Variants in ANTXR1 observed in about 807,000 individuals in gnomAD.
The protein encoded by ANTXR1 is anthrax toxin receptor 1.
Under a neutral mutation model 78.1 loss-of-function variants are expected in ANTXR1, and 19 were observed. That is an observed-to-expected ratio of 0.24 (90% confidence interval 0.17 to 0.36). The LOEUF is 0.36. ANTXR1 is among the 10% of genes least tolerant of loss of function. The pLI, the probability that ANTXR1 is intolerant of heterozygous loss-of-function variation, is 1.00. For missense variants in ANTXR1, 518 were observed against 718.6 expected, an observed-to-expected ratio of 0.72 and a Z score of 3.19; for synonymous variants, 273 against 260.5, an observed-to-expected ratio of 1.05 and a Z score of -0.46.
chr2:69,198,713 C>T (rs1674711939), intron 17 of ANTXR1, among the ~76,000 whole-genome samples: 1 of 152,196 alleles, frequency 6.6e-6, no homozygotes, highest in Non-Finnish European at 1.5e-5. Flanking sequence ...TTCAAGAGAA[C>T]ATACATTTTC....
chr2:69,013,454 C>A lies in ANTXR1; in HGVS notation c.-46C>A, dbSNP rs1670926240. 1.1e-5 allele frequency: 18 copies of A among 1,576,612 alleles called. No individual in the cohort carries two copies. Among genetic ancestry groups the A allele is most frequent in the Non-Finnish European group, 1.5e-5 (18 of 1,163,244 alleles). On this transcript the variant is annotated 5_prime_UTR_variant, in exon 1 of 18. Coordinates refer to ENST00000303714, the MANE Select transcript of ANTXR1 (RefSeq NM_032208.3). The surrounding 1 kb of genome is among the most constrained non-coding windows in gnomAD (Gnocchi z 5.0). ...GTCCCTGAGGGTCGTGGCGAGTTCG[C>A]GGAGCGTGGGAAGGAGCGGACCCTG...
chr2:69,089,246 G>C (rs1339295921), intron 8 of ANTXR1, among the ~76,000 whole-genome samples: 2 of 152,226 alleles, frequency 1.3e-5, no homozygotes, highest in Non-Finnish European at 2.9e-5. Flanking sequence ...CAGGTACATA[G>C]AGTTACCTAA....
chr2:69,042,313 C>T (rs1669637305), intron 2 of ANTXR1, among the ~76,000 whole-genome samples: 1 of 152,174 alleles, frequency 6.6e-6, no homozygotes, highest in African/African-American at 2.4e-5. Context: ...AATAACCTCA[C>T]CTCCTACTTC....
At chr2:69,067,158 G>T (rs1670423057) in intron 3 of ANTXR1, among the ~76,000 whole-genome samples, 1 of 152,076 alleles carries the variant, frequency 6.6e-6, no homozygotes, top group Non-Finnish European at 1.5e-5. Context: ...GGGAGATGGG[G>T]CCATGTGTTA....
chr2:69,203,531 A>G (rs1021998960), intron 17 of ANTXR1, among the ~76,000 whole-genome samples: 4 of 152,338 alleles, frequency 2.6e-5, no homozygotes, highest in East Asian at 1.9e-4. Context: ...GCTGCAAAAT[A>G]TACCATCTTG....
At chr2:69,166,162 C>T (rs990550761) in intron 13 of ANTXR1, among the ~76,000 whole-genome samples, 7 of 152,218 alleles carry the variant, frequency 4.6e-5, no homozygotes, top group African/African-American at 1.7e-4. Flanking sequence ...ATTTGTTTGA[C>T]TCAATGAGAA....
intron 17 of ANTXR1, among the ~76,000 whole-genome samples, chr2:69,239,628 A>T (rs57286833): frequency 0.12 from 17,687 of 152,232 alleles, 3,252 homozygotes; most frequent in African/African-American, 0.39. Context: ...GGTACAACTT[A>T]ATTGGACAGA....
chr2:69,209,390 C>A (rs746383901), intron 17 of ANTXR1, among the ~76,000 whole-genome samples: 13 of 152,236 alleles, frequency 8.5e-5, no homozygotes, highest in Non-Finnish European at 1.8e-4. Context: ...ATTATCTTTA[C>A]AGAGGGCTCG....
intron 17 of ANTXR1, 146 bp downstream of exon 17, chr2:69,193,561 T>A (rs1247358271): frequency 1.4e-6 from 1 of 723,672 alleles, no homozygotes; most frequent in African/African-American, 1.8e-5. Context: ...CTAGAATAAC[T>A]CCAGATTTAC....
intron 1 of ANTXR1, among the ~76,000 whole-genome samples, chr2:69,036,675 G>A (rs1026187808): frequency 2.6e-5 from 4 of 151,988 alleles, no homozygotes; most frequent in African/African-American, 9.6e-5. Flanking sequence ...CCAAAACACA[G>A]CATTGCATTT....
intron 12 of ANTXR1, among the ~76,000 whole-genome samples, chr2:69,135,548 G>A (rs969261496): frequency 6.6e-5 from 10 of 152,190 alleles, no homozygotes; most frequent in Admixed American, 5.9e-4. Flanking sequence ...AAAAGCATGT[G>A]AAAAGTTTTA....
chr2:69,066,150 G>GT (rs1409048434), intron 3 of ANTXR1, among the ~76,000 whole-genome samples: 1 of 152,184 alleles, frequency 6.6e-6, no homozygotes, highest in Admixed American at 6.5e-5. Flanking sequence ...GATGGAGGTT[G>GT]TTTTTATAGA....
intron 9 of ANTXR1, among the ~76,000 whole-genome samples, chr2:69,095,736 C>T (rs777986387): frequency 6.6e-6 from 1 of 152,198 alleles, no homozygotes; most frequent in Non-Finnish European, 1.5e-5. Context: ...ATCATGTGAG[C>T]AGTGGCAGAA....
At position 69,077,403 on chromosome 2, in the gene ANTXR1, C is replaced by A. The variant is rs1670766902; in HGVS notation, c.562-5C>A. On this transcript the variant is annotated splice_region_variant and splice_polypyrimidine_tract_variant and intron_variant, in intron 7 of 17. Coordinates refer to ENST00000303714, the MANE Select transcript of ANTXR1 (RefSeq NM_032208.3). ...CATGTGTTTGTGTATTTGCTGTGTT[C>A]TCAGCTGGCCCGGATTGCGGACAGT... is the stretch of plus-strand genomic sequence containing the variant. The A allele has an allele frequency of 1.2e-6, 2 of 1,614,168 alleles. No homozygotes were observed. The highest frequency in any genetic ancestry group is 1.3e-5 in the African/African-American group (1 of 75,056).
Position 69,013,994 on chromosome 2 carries a change from GCTTA to G in ANTXR1, c.152+345_152+348del, listed in dbSNP as rs1410549683. ...CCTCCCGTGTTGGTGGGAAAGGCTT[GCTTA>G]CCAAAGGCAGAACTTGCAGGCACAG... is the stretch of plus-strand genomic sequence containing the variant. On this transcript the variant is annotated intron_variant, in intron 1 of 17. Transcript: ENST00000303714. The surrounding 1 kb of genome is among the most constrained non-coding windows in gnomAD (Gnocchi z 5.0). 3.9e-5 allele frequency among the ~76,000 whole-genome samples: 6 copies of G among 152,228 alleles called. No homozygotes were observed. Among genetic ancestry groups the G allele is most frequent in the Non-Finnish European group, 8.8e-5 (6 of 68,042 alleles).
chr2:69,136,349 T>G (rs1672909426), intron 12 of ANTXR1, among the ~76,000 whole-genome samples: 1 of 152,186 alleles, frequency 6.6e-6, no homozygotes, highest in South Asian at 2.1e-4. Flanking sequence ...CTTTTTTAAG[T>G]ACACTTTCAC....
At chr2:69,062,753 C>G (rs890632961) in intron 3 of ANTXR1, among the ~76,000 whole-genome samples, 1 of 152,014 alleles carries the variant, frequency 6.6e-6, no homozygotes, top group Non-Finnish European at 1.5e-5. Context: ...TAGAAACAAA[C>G]CACAGATGAC....
chr2:69,078,249 G>A (rs1670797866), intron 8 of ANTXR1, among the ~76,000 whole-genome samples: 1 of 152,228 alleles, frequency 6.6e-6, no homozygotes, highest in South Asian at 2.1e-4. Context: ...CAGCAGGTCA[G>A]TATGTGTGCT....
intron 16 of ANTXR1, among the ~76,000 whole-genome samples, chr2:69,189,232 C>CG (rs1434925407): frequency 1.3e-5 from 2 of 152,176 alleles, no homozygotes; most frequent in Non-Finnish European, 2.9e-5. Flanking sequence ...TAGCTAATCT[C>CG]GCCTTGGCCA....
Sources: gnomAD v4.1 joint callset for allele counts (sites outside exome capture counted in the v4.1 genomes callset) on GRCh38, gnomAD v4.1.1 for gene constraint, Gnocchi (gnomAD v3.1) non-coding constraint, MANE v1.5 for transcripts, NCBI Gene and HGNC (gene_info 2026-07-23, HGNC 2026-07-21) for gene names.